Variants in PCGF3 observed in about 807,000 individuals in gnomAD.
The protein encoded by PCGF3 is polycomb group RING finger protein 3.
Under a neutral mutation model 33.1 loss-of-function variants are expected in PCGF3, and 7 were observed. That is an observed-to-expected ratio of 0.21 (90% CI 0.12 to 0.40). The LOEUF (loss-of-function observed/expected upper bound fraction) is 0.40, where lower values mean the gene tolerates loss of function less well. Ranked by LOEUF, PCGF3 falls within the 10% of genes least tolerant of loss-of-function variation. The probability of loss-of-function intolerance (pLI) is 1.00; values close to 1 mark genes in which losing one functional copy is unlikely to be tolerated. For missense variants in PCGF3, 211 were observed against 313.3 expected (o/e 0.67, Z 2.46); for synonymous variants, 153 against 121.3 (o/e 1.26, Z -1.72).
intron 1 of PCGF3, among the ~76,000 whole-genome samples, chr4:728,885 A>G (rs1320416735): frequency 1.3e-5 from 2 of 152,028 alleles, no homozygotes; most frequent in Non-Finnish European, 2.9e-5. Context: ...GAATCACTGG[A>G]GGCCAGGAGT....
chr4:706,084 C>A, intron 1 of PCGF3, 114 bp downstream of exon 1: 1 of 154,406 alleles, frequency 6.5e-6, no homozygotes, highest in Non-Finnish European at 1.4e-5. Context: ...CTCCGTCGTC[C>A]CCGTCGGCCT....
intron 3 of PCGF3, chr4:732,344 C>T (rs1179645480): frequency 6.6e-6 from 1 of 151,040 alleles, no homozygotes; most frequent in African/African-American, 2.5e-5. Context: ...CTCCTCCCCT[C>T]CCTTCCCTTC....
intron 1 of PCGF3, among the ~76,000 whole-genome samples, chr4:710,041 G>T (rs1226183266): frequency 4.6e-5 from 7 of 152,136 alleles, no homozygotes; most frequent in Non-Finnish European, 7.4e-5. Flanking sequence ...TTTTAGAGGT[G>T]TGTTTTAGAG....
At chr4:751,857 G>C (rs1173707189) in intron 8 of PCGF3, among the ~76,000 whole-genome samples, 1 of 152,034 alleles carries the variant, frequency 6.6e-6, no homozygotes, top group Non-Finnish European at 1.5e-5. Flanking sequence ...CTTCACAGCC[G>C]ACCTCTTCTC....
exon 11 of PCGF3, chr4:768,714 A>G (rs1367095356): frequency 6.6e-6 from 1 of 152,586 alleles, no homozygotes; most frequent in African/African-American, 2.4e-5. Flanking sequence ...AAAATTATTT[A>G]TTCTATTTTA....
chr4:766,724 C>T (rs1745393777), exon 11 of PCGF3: 1 of 152,214 alleles, frequency 6.6e-6, no homozygotes, highest in Non-Finnish European at 1.5e-5. Context: ...CACTTGGACT[C>T]ACTCAGAACT....
chr4:729,474 GT>G (rs1743462942), intron 1 of PCGF3, among the ~76,000 whole-genome samples: 1 of 152,166 alleles, frequency 6.6e-6, no homozygotes, highest in Non-Finnish European at 1.5e-5. Context: ...ACAAGCCACA[GT>G]TCAGGTGCTC....
chr4:761,183 C>A, intron 8 of PCGF3, 96 bp from the exon 9 acceptor site: 1 of 1,055,638 alleles, frequency 9.5e-7, no homozygotes, highest in Admixed American at 3.1e-5. Context: ...GTCAGCAGTC[C>A]TAGATTGAGG....
chr4:710,463 G>T (rs1221281613), intron 1 of PCGF3, among the ~76,000 whole-genome samples: 1 of 152,240 alleles, frequency 6.6e-6, no homozygotes. Context: ...GGCAGGTGGG[G>T]TCACTGGAAC....
At chr4:731,465 C>A in intron 3 of PCGF3, 1 of 300,622 alleles carries the variant, frequency 3.3e-6, no homozygotes, top group South Asian at 9.2e-5. Flanking sequence ...GGGAGGTCCT[C>A]AGGGGCGCAG....
At chr4:726,173 G>T (rs1187255723) in intron 1 of PCGF3, among the ~76,000 whole-genome samples, 2 of 152,278 alleles carry the variant, frequency 1.3e-5, no homozygotes, top group East Asian at 3.8e-4. Flanking sequence ...AGGGTCAGCA[G>T]CCATCTTGTC....
intron 4 of PCGF3, chr4:734,239 TAA>T (rs1208725551): frequency 6.7e-7 from 1 of 1,494,650 alleles, no homozygotes; most frequent in East Asian, 2.5e-5. Flanking sequence ...AGTGTTTTTC[TAA>T]GTGTGGCTAC....
chr4:732,411 C>CCTG, intron 3 of PCGF3: 1 of 142,860 alleles, frequency 7.0e-6, no homozygotes, highest in Non-Finnish European at 1.5e-5. Flanking sequence ...CTCCCGTGTC[C>CCTG]TCAGTATGCA....
At chr4:714,247 C>T (rs181422786) in intron 1 of PCGF3, among the ~76,000 whole-genome samples, 37 of 152,338 alleles carry the variant, frequency 2.4e-4, no homozygotes, top group South Asian at 2.1e-3. Flanking sequence ...GTCAGCTGCT[C>T]GGCCTAAGGT....
chr4:751,836 G>A (rs967980217), intron 8 of PCGF3, among the ~76,000 whole-genome samples: 6 of 152,046 alleles, frequency 3.9e-5, no homozygotes, highest in African/African-American at 7.3e-5. Context: ...GGCATCAGCC[G>A]GCCGCGCTGG....
In PCGF3 at chr4:721,211, C is replaced by T. The variant is rs924346767; in HGVS notation, c.-189-9419C>T. ...GCGGGCCCTGATTCTCATGGTTCCC[C>T]AGTGAGGCTGTTCCACGGTGGCACA... On this transcript the variant is annotated intron_variant, in intron 1 of 10. Transcript: ENST00000362003. The surrounding 1 kb of genome is among the most constrained non-coding windows in gnomAD (Gnocchi z 4.1). 2.0e-5 allele frequency among the ~76,000 whole-genome samples: 3 copies of T among 152,154 alleles called. No homozygotes were observed. Among genetic ancestry groups the T allele is most frequent in the Non-Finnish European group, 4.4e-5 (3 of 68,024 alleles).
At chr4:754,009 C>A (rs902248631) in intron 8 of PCGF3, among the ~76,000 whole-genome samples, 2 of 152,174 alleles carry the variant, frequency 1.3e-5, no homozygotes, top group Non-Finnish European at 2.9e-5. Flanking sequence ...TGGGTCCTGG[C>A]AGGAGTCGCC....
chr4:747,914 T>G (rs964726105), intron 8 of PCGF3, among the ~76,000 whole-genome samples: 1 of 152,174 alleles, frequency 6.6e-6, no homozygotes, highest in Non-Finnish European at 1.5e-5. Context: ...GAACACGTGC[T>G]TAGGGTAAAG....
intron 8 of PCGF3, among the ~76,000 whole-genome samples, chr4:756,208 G>A (rs540006301): frequency 3.9e-5 from 5 of 128,802 alleles, no homozygotes; most frequent in African/African-American, 8.9e-5. Flanking sequence ...AGCCACCGCC[G>A]CACTTGGCTT....
Sources: allele counts gnomAD v4.1 joint callset (sites outside exome capture counted in the v4.1 genomes callset), GRCh38; gene constraint gnomAD v4.1.1; non-coding constraint Gnocchi (gnomAD v3.1); transcripts MANE v1.5; gene names NCBI Gene and HGNC (gene_info 2026-07-23, HGNC 2026-07-21).